SATL1: variants seen among roughly 807,000 people sequenced by gnomAD.
The protein encoded by SATL1 is spermidine/spermine N(1)-acetyltransferase-like protein 1.
Under a neutral mutation model 51.8 loss-of-function variants are expected in SATL1, and 47 were observed. The ratio of observed to expected loss-of-function variants is 0.91; its 90% confidence interval spans 0.72 to 1.16. The LOEUF (loss-of-function observed/expected upper bound fraction) is 1.16, where lower values mean the gene tolerates loss of function less well. SATL1 is among the 50% of genes most tolerant of loss of function. The pLI is 0.00. For synonymous variants in SATL1, 176 were observed against 182.4 expected, an observed-to-expected ratio of 0.97 and a Z score of 0.28; for missense variants, 520 against 526.4, an observed-to-expected ratio of 0.99 and a Z score of 0.12.
At chrX:85,218,141 A>T (rs1195084205) in intron 2 of SATL1, among the ~76,000 whole-genome samples, 1 of 67,976 alleles carries the variant, frequency 1.5e-5, no homozygotes, top group East Asian at 4.0e-4. Flanking sequence ...GGGAGAAGAT[A>T]AAAAAAAAAC....
chrX:85,229,106 T>C (rs750668916), intron 1 of SATL1, among the ~76,000 whole-genome samples: 3 of 111,627 alleles, frequency 2.7e-5, no homozygotes, highest in East Asian at 2.8e-4. Flanking sequence ...AAATGCTAAA[T>C]AGAATTTTTC....
intron 2 of SATL1, among the ~76,000 whole-genome samples, chrX:85,160,968 A>C (rs1926706126): frequency 8.9e-6 from 1 of 112,139 alleles, no homozygotes; most frequent in South Asian, 3.7e-4. Context: ...TGGAACTCTC[A>C]GCAGAAACCC....
chrX:85,107,881 T>A lies in SATL1; in HGVS notation c.1088A>T (p.Gln363Leu). ...QRAPSQSGPR[Q>L]SSTSQAGTNQ... ...TGTGCCTGCTTGGCTCGTGCTTGAT[T>A]GTCTGGGGCCTGATTGGCTTGGGGC... is the stretch of plus-strand genomic sequence containing the variant. Residue 363 changes from glutamine to leucine, a missense_variant, in exon 3 of 8, where the codon CAA becomes CTA. Physicochemically the swap from Gln to Leu is moderately radical, Grantham distance 113. Coordinates refer to ENST00000644105, the MANE Select transcript of SATL1 (RefSeq NM_001367857.2). The A allele has an allele frequency of 8.3e-7, 1 of 1,211,737 alleles. No individual in the cohort carries two copies. Among genetic ancestry groups the A allele is most frequent in the Non-Finnish European group, 1.1e-6 (1 of 895,547 alleles).
intron 2 of SATL1, among the ~76,000 whole-genome samples, chrX:85,138,261 G>T (rs1486593269): frequency 9.0e-6 from 1 of 111,651 alleles, no homozygotes; most frequent in Non-Finnish European, 1.9e-5. Flanking sequence ...TGTTTATCTG[G>T]CTAGGAGTTA....
intron 4 of SATL1, among the ~76,000 whole-genome samples, chrX:85,095,241 C>T (rs1295436810): frequency 8.9e-6 from 1 of 112,159 alleles, no homozygotes; most frequent in Admixed American, 9.4e-5. Context: ...AGCTACCCAA[C>T]ACTCAGCACC....
intron 2 of SATL1, among the ~76,000 whole-genome samples, chrX:85,127,027 T>G (rs1925646007): frequency 9.0e-6 from 1 of 111,310 alleles, no homozygotes; most frequent in Non-Finnish European, 1.9e-5. Flanking sequence ...ATCATATAAT[T>G]TTAATGTATT....
At chrX:85,239,909 A>C (rs891378758) in intron 1 of SATL1, among the ~76,000 whole-genome samples, 8 of 110,076 alleles carry the variant, frequency 7.3e-5, no homozygotes, top group Non-Finnish European at 1.3e-4. Context: ...GGGAAAAAAA[A>C]CCTTAAAACT....
rs190712274 is a variant in SATL1, at chrX:85,179,332, T to G, written c.-313+44873A>C. Among the ~76,000 whole-genome samples, 4 of 111,714 alleles carry G rather than the reference T, an allele frequency of 3.6e-5. No individual in the cohort carries two copies. In the East Asian group the frequency reaches 8.4e-4, roughly 24 times the overall value. On this transcript the variant is annotated intron_variant, in intron 2 of 7. Transcript: ENST00000644105. Reference sequence around the variant, plus strand: ...AGTAAAAACCAATGAAAATAATTCATGTAGTCTGTTATCTAATTTAAAAAA... The same window carrying G: ...AGTAAAAACCAATGAAAATAATTCAGGTAGTCTGTTATCTAATTTAAAAAA...
chrX:85,108,330 C>T lies in SATL1; in HGVS notation c.639G>A (p.Met213Ile), dbSNP rs148295716. The change falls in exon 3 of 8, where the codon ATG becomes ATA. Residue 213 changes from methionine to isoleucine, a missense_variant. By Grantham distance (10) the Met-to-Ile change is conservative (BLOSUM62 1). Around this residue, in one of 3 missense-constraint regions of SATL1, gnomAD observed 488 missense variants for 474.3 expected, o/e 1.03. Transcript: ENST00000644105. ...CTTGCTGGCTCATGCCTGGTTGACT[C>T]ATGTCTGGGTGGCTTGGGACTTGCT... ...ISQQVPSHPD[M>I]SQPGMSQQVP... 76 of 1,209,304 alleles carry T rather than the reference C, an allele frequency of 6.3e-5. No homozygotes were observed. Among genetic ancestry groups the T allele is most frequent in the Non-Finnish European group, 7.8e-6 (7 of 895,070 alleles).
chrX:85,111,471 G>A (rs779601905), intron 2 of SATL1, among the ~76,000 whole-genome samples: 2 of 111,839 alleles, frequency 1.8e-5, no homozygotes, highest in Non-Finnish European at 3.8e-5. Flanking sequence ...ACTTTAATTG[G>A]TACACCATCA....
At chrX:85,143,368 A>C (rs184196384) in intron 2 of SATL1, 3 of 110,999 alleles carry the variant, frequency 2.7e-5, no homozygotes, top group African/African-American at 9.8e-5. Flanking sequence ...TGCCTCTCCT[A>C]ATTGCAGCAG....
At chrX:85,121,441 GTA>G (rs928809612) in intron 2 of SATL1, among the ~76,000 whole-genome samples, 27 of 101,521 alleles carry the variant, frequency 2.7e-4, no homozygotes, top group African/African-American at 9.2e-4. Context: ...TTAGTATATA[GTA>G]TATATATAAA....
At chrX:85,160,015 G>GT (rs1569239489) in intron 2 of SATL1, among the ~76,000 whole-genome samples, 1 of 92,660 alleles carries the variant, frequency 1.1e-5, no homozygotes, top group Non-Finnish European at 2.2e-5. Flanking sequence ...AGAAAACAAA[G>GT]TCGGGGCCCA....
At chrX:85,169,178 G>A (rs1926915211) in intron 2 of SATL1, among the ~76,000 whole-genome samples, 1 of 111,957 alleles carries the variant, frequency 8.9e-6, no homozygotes, top group African/African-American at 3.2e-5. Context: ...CTGGAAGACA[G>A]CCTAGGCAAT....
chrX:85,203,513 A>G (rs1370231666), intron 2 of SATL1, among the ~76,000 whole-genome samples: 1 of 110,948 alleles, frequency 9.0e-6, no homozygotes, highest in Non-Finnish European at 1.9e-5. Context: ...TCTCTCTGGG[A>G]GTACCATCCC....
chrX:85,142,004 A>G (rs1253770367), intron 2 of SATL1, among the ~76,000 whole-genome samples: 1 of 104,089 alleles, frequency 9.6e-6, no homozygotes, highest in Non-Finnish European at 2.0e-5. Flanking sequence ...GCCATTAAAA[A>G]TAATTGCAAA....
At chrX:85,163,886 G>A (rs1170454291) in intron 2 of SATL1, among the ~76,000 whole-genome samples, 3 of 111,534 alleles carry the variant, frequency 2.7e-5, no homozygotes, top group East Asian at 2.8e-4. Context: ...ATTGTCTTGC[G>A]GTCTGTCGCA....
intron 2 of SATL1, among the ~76,000 whole-genome samples, chrX:85,185,210 C>T (rs915128135): frequency 8.9e-6 from 1 of 112,614 alleles, no homozygotes; most frequent in Non-Finnish European, 1.9e-5. Flanking sequence ...TGTGGAACTG[C>T]CTGGAGCTAG....
chrX:85,094,985 C>T lies in SATL1; in HGVS notation c.1705G>A (p.Asp569Asn), dbSNP rs1355745361. The change falls in exon 5 of 8, where the codon GAT (aspartate) becomes AAT (asparagine). Residue 569 changes from aspartate to asparagine, a missense_variant. Coordinates refer to ENST00000644105, the MANE Select transcript of SATL1 (RefSeq NM_001367857.2). ...MELTAADLLRDGFGDNPLFYC... is the reference protein window; with the variant it reads ...MELTAADLLRNGFGDNPLFYC... ...AAAAGGGGATTGTCCCCAAAGCCAT[C>T]TCTGAGTAAATCTGAAATATCAATT... The T allele has an allele frequency of 8.8e-7, 1 of 1,138,234 alleles. No individual in the cohort carries two copies. Among genetic ancestry groups the T allele is most frequent in the Non-Finnish European group, 1.2e-6 (1 of 831,918 alleles). The allele number at this position is 1,138,234 out of a possible 1,213,427, so 93.8% of individuals were successfully genotyped here. A position where few individuals can be genotyped will look rare whatever the true frequency, so the allele number is the denominator to read the frequency against.
Sources: gnomAD v4.1 joint callset for allele counts (sites outside exome capture counted in the v4.1 genomes callset) on GRCh38, gnomAD v4.1.1 for gene constraint, gnomAD v4.1.1 regional missense constraint, MANE v1.5 for transcripts, NCBI Gene and HGNC (gene_info 2026-07-23, HGNC 2026-07-21) for gene names.